The following KIAA0232 variants were observed in gnomAD, a reference collection of about 807,000 sequenced individuals.
The protein encoded by KIAA0232 is KIAA0232.
KIAA0232 carries 27 observed loss-of-function variants against 122.0 expected under a neutral mutation model. The observed-to-expected ratio is 0.22, with a 90% CI of 0.16 to 0.31. The LOEUF is 0.31. Ranked by LOEUF, KIAA0232 falls within the 10% of genes least tolerant of loss-of-function variation. The pLI is 1.00. For synonymous variants in KIAA0232, 613 were observed against 587.6 expected, an observed-to-expected ratio of 1.04 and a Z score of -0.63; for missense variants, 1,551 against 1,634.2, an observed-to-expected ratio of 0.95 and a Z score of 0.88.
chr4:6,876,730 T>C lies in KIAA0232; in HGVS notation c.3981T>C (p.Asn1327=), dbSNP rs1432016622. Residue 1327 remains asparagine (N), a synonymous_variant, in exon 9 of 10, where the codon AAT becomes AAC. Coordinates refer to ENST00000307659, the MANE Select transcript of KIAA0232 (RefSeq NM_014743.3). Reference sequence around the variant, plus strand: ...CAGATGCTAAAGAGACACCCAGTAATGAAGAGCGCCTGTTAGATTTTAATA... The same window carrying C: ...CAGATGCTAAAGAGACACCCAGTAACGAAGAGCGCCTGTTAGATTTTAATA... ...EYPDAKETPS[N]EERLLDFNRV... 5 of 1,612,726 alleles carry C rather than the reference T, an allele frequency of 3.1e-6. No individual in the cohort carries two copies. In the South Asian group the frequency reaches 5.5e-5, roughly 18 times the overall value.
At chr4:6,849,708 G>C (rs1720171576) in intron 4 of KIAA0232, among the ~76,000 whole-genome samples, 1 of 152,012 alleles carries the variant, frequency 6.6e-6, no homozygotes, top group South Asian at 2.1e-4. Context: ...GAACCAGGCG[G>C]TGGAGCCAAG....
intron 1 of KIAA0232, among the ~76,000 whole-genome samples, chr4:6,794,576 A>G (rs1717049964): frequency 6.6e-6 from 1 of 152,228 alleles, no homozygotes; most frequent in Admixed American, 6.5e-5. Context: ...GTTGCATCGT[A>G]TGTGGTGGAC....
intron 6 of KIAA0232, among the ~76,000 whole-genome samples, chr4:6,860,002 T>C (rs958843518): frequency 6.6e-6 from 1 of 152,234 alleles, no homozygotes; most frequent in Non-Finnish European, 1.5e-5. Flanking sequence ...TCACACAGGC[T>C]CTCAGGCCTC....
At chr4:6,836,944 C>G (rs918316581) in intron 3 of KIAA0232, among the ~76,000 whole-genome samples, 1 of 152,248 alleles carries the variant, frequency 6.6e-6, no homozygotes, top group African/African-American at 2.4e-5. Flanking sequence ...CTGTCTATTT[C>G]TTTCCACACA....
intron 2 of KIAA0232, among the ~76,000 whole-genome samples, chr4:6,806,851 T>C (rs1478538559): frequency 6.6e-6 from 1 of 152,012 alleles, no homozygotes; most frequent in African/African-American, 2.4e-5. Context: ...AGAGGAAAGT[T>C]TATCCAGGTT....
Position 6,876,667 on chromosome 4 carries a change from C to T in KIAA0232, c.3918C>T (p.Tyr1306=). ...LFPASECEEC[Y]TNAKGESGLE... ...CCATTCCAAATGATTAAGAATGTTA[C>T]ACAAATGCCAAGGGAGAGAGTGGTT... Residue 1306 remains tyrosine, a synonymous_variant, in exon 9 of 10, where the codon TAC becomes TAT. Transcript: ENST00000307659. 1 of 1,606,434 alleles carries T rather than the reference C, an allele frequency of 6.2e-7. No homozygotes were observed. The highest frequency in any genetic ancestry group is 8.5e-7 in the Non-Finnish European group (1 of 1,173,156).
chr4:6,840,027 T>A (rs1476331331), intron 3 of KIAA0232, among the ~76,000 whole-genome samples: 1 of 152,152 alleles, frequency 6.6e-6, no homozygotes, highest in Non-Finnish European at 1.5e-5. Context: ...AACCCAAAGT[T>A]TGGCCTAAAT....
intron 1 of KIAA0232, among the ~76,000 whole-genome samples, chr4:6,797,179 A>G (rs767790541): frequency 3.9e-5 from 6 of 152,228 alleles, no homozygotes; most frequent in Non-Finnish European, 7.3e-5. Context: ...CAAAGCCATG[A>G]GATAGAAACT....
intron 1 of KIAA0232, among the ~76,000 whole-genome samples, chr4:6,797,931 G>A (rs183992311): frequency 0.038 from 5,775 of 151,730 alleles, 349 homozygotes; most frequent in African/African-American, 0.13. Context: ...AGTGGCGGGC[G>A]CCTGTAGTCC....
At chr4:6,839,663 G>A (rs546891571) in intron 3 of KIAA0232, among the ~76,000 whole-genome samples, 38 of 152,304 alleles carry the variant, frequency 2.5e-4, no homozygotes, top group South Asian at 1.0e-3. Flanking sequence ...TGCTGAGGAG[G>A]GGGTAGTCGA....
At chr4:6,789,793 G>T (rs929870307) in intron 1 of KIAA0232, among the ~76,000 whole-genome samples, 10 of 152,164 alleles carry the variant, frequency 6.6e-5, no homozygotes, top group East Asian at 1.9e-4. Flanking sequence ...TTGGGAAAGC[G>T]AGGTGGGAGG....
chr4:6,833,804 A>G (rs1188222751), intron 3 of KIAA0232, among the ~76,000 whole-genome samples: 1 of 152,178 alleles, frequency 6.6e-6, no homozygotes, highest in Non-Finnish European at 1.5e-5. Context: ...TAAGCAGGAG[A>G]TATCAGAAGG....
intron 4 of KIAA0232, among the ~76,000 whole-genome samples, chr4:6,856,898 CAG>C (rs1313543432): frequency 6.6e-6 from 1 of 152,176 alleles, no homozygotes; most frequent in Non-Finnish European, 1.5e-5. Context: ...TTTGGAAAAA[CAG>C]AAGCTATTCT....
intron 2 of KIAA0232, among the ~76,000 whole-genome samples, chr4:6,816,735 C>A (rs181326591): frequency 6.6e-6 from 1 of 152,258 alleles, no homozygotes; most frequent in Admixed American, 6.5e-5. Context: ...ATGGGCCTAG[C>A]AATTTCTTTG....
intron 9 of KIAA0232, among the ~76,000 whole-genome samples, chr4:6,879,517 C>G (rs998901907): frequency 4.6e-5 from 7 of 152,212 alleles, no homozygotes; most frequent in African/African-American, 1.7e-4. Flanking sequence ...TCTCTGCTCT[C>G]CCCTTACTCT....
chr4:6,837,748 C>A (rs1158707648), intron 3 of KIAA0232, among the ~76,000 whole-genome samples: 1 of 152,182 alleles, frequency 6.6e-6, no homozygotes, highest in Non-Finnish European at 1.5e-5. Context: ...CCCGTCTCCA[C>A]CAAAAAATAC....
chr4:6,788,658 T>C (rs1716744538), intron 1 of KIAA0232, among the ~76,000 whole-genome samples: 1 of 152,270 alleles, frequency 6.6e-6, no homozygotes, highest in Non-Finnish European at 1.5e-5. Flanking sequence ...TATAGTCTTT[T>C]ACATAGTACT....
intron 3 of KIAA0232, among the ~76,000 whole-genome samples, chr4:6,835,613 C>T (rs1229009024): frequency 1.3e-5 from 2 of 152,296 alleles, no homozygotes; most frequent in South Asian, 4.1e-4. Flanking sequence ...GCTATCCCTC[C>T]CCCAGCTCCC....
chr4:6,858,401 T>C, intron 5 of KIAA0232, 24 bp from the exon 6 acceptor site: 2 of 1,430,580 alleles, frequency 1.4e-6, no homozygotes. Flanking sequence ...AGACAAATCT[T>C]TCTTAATTTT....
Sources: gnomAD v4.1 joint callset for allele counts (sites outside exome capture counted in the v4.1 genomes callset) on GRCh38, gnomAD v4.1.1 for gene constraint, MANE v1.5 for transcripts, NCBI Gene and HGNC (gene_info 2026-07-23, HGNC 2026-07-21) for gene names.